The following LOC400499 variants were observed in gnomAD, a reference collection of about 807,000 sequenced individuals.
At chr16:11,456,750 T>A in the LOC400499 span, 709 of 1,330,710 alleles carry the variant, frequency 5.3e-4, 5 homozygotes, top group African/African-American at 9.1e-3. Flanking sequence ...TGAGTTAGCC[T>A]AGCCAACAAA....
the LOC400499 span, among the ~76,000 whole-genome samples, chr16:11,458,257 G>A: frequency 6.6e-6 from 1 of 152,196 alleles, no homozygotes; most frequent in Admixed American, 6.5e-5. Flanking sequence ...GAGGCAGGGA[G>A]AATTGCTTGA....
the LOC400499 span, chr16:11,446,591 T>C: frequency 3.9e-6 from 6 of 1,535,988 alleles, no homozygotes; most frequent in African/African-American, 5.5e-5. Flanking sequence ...TCTGTGTTCC[T>C]GGGGATGACT....
At chr16:11,469,584 C>T in the LOC400499 span, 1 of 399,030 alleles carries the variant, frequency 2.5e-6, no homozygotes, top group Non-Finnish European at 4.4e-6. Context: ...AGCTCATGTC[C>T]ACCCCGACGT....
chr16:11,424,492 G>C, the LOC400499 span: 1 of 397,946 alleles, frequency 2.5e-6, no homozygotes, highest in Non-Finnish European at 4.4e-6. Context: ...ATAGCTCCAG[G>C]TCCTACTGCA....
At chr16:11,438,486 C>T in the LOC400499 span, among the ~76,000 whole-genome samples, 3 of 151,698 alleles carry the variant, frequency 2.0e-5, no homozygotes, top group Non-Finnish European at 4.4e-5. Context: ...AAAATGCTAT[C>T]AGGGCTGGGC....
the LOC400499 span, among the ~76,000 whole-genome samples, chr16:11,411,824 G>A: frequency 6.6e-6 from 1 of 151,164 alleles, no homozygotes; most frequent in South Asian, 2.1e-4. Flanking sequence ...CCAGGCCAGG[G>A]TGGTTACAAT....
chr16:11,479,837 C>A, the LOC400499 span, among the ~76,000 whole-genome samples: 7 of 152,046 alleles, frequency 4.6e-5, no homozygotes, highest in Admixed American at 4.6e-4. Context: ...TCTTTCCGTC[C>A]CGAGATCCAA....
the LOC400499 span, among the ~76,000 whole-genome samples, chr16:11,389,811 T>C: frequency 1.8e-3 from 276 of 151,988 alleles, 1 homozygote; most frequent in African/African-American, 6.2e-3. Flanking sequence ...CCGGTGTAGA[T>C]GACTTCCTTG....
At chr16:11,398,107 C>G in the LOC400499 span, among the ~76,000 whole-genome samples, 2 of 152,188 alleles carry the variant, frequency 1.3e-5, no homozygotes, top group African/African-American at 4.8e-5. Context: ...TCATGTCTCT[C>G]TTAAGTCTCA....
chr16:11,456,044 T>A, the LOC400499 span, among the ~76,000 whole-genome samples: 2 of 44,062 alleles, frequency 4.5e-5, no homozygotes, highest in African/African-American at 9.0e-5. Context: ...GTGGATAAAA[T>A]TTTTTTTTTT....
the LOC400499 span, among the ~76,000 whole-genome samples, chr16:11,520,577 G>T: frequency 1.3e-5 from 2 of 148,412 alleles, no homozygotes; most frequent in East Asian, 4.1e-4. Context: ...TGACGCAGGA[G>T]AATCGCTTGA....
At chr16:11,480,155 G>A in the LOC400499 span, among the ~76,000 whole-genome samples, 1 of 152,184 alleles carries the variant, frequency 6.6e-6, no homozygotes, top group Non-Finnish European at 1.5e-5. Context: ...CAACACTGAG[G>A]CCAAGTATCT....
chr16:11,494,331 C>T, the LOC400499 span, among the ~76,000 whole-genome samples: 1 of 145,336 alleles, frequency 6.9e-6, no homozygotes, highest in African/African-American at 2.6e-5. Context: ...CTTCACCCCA[C>T]CCCCACTCAG....
chr16:11,476,353 C>T, the LOC400499 span, among the ~76,000 whole-genome samples: 3 of 151,988 alleles, frequency 2.0e-5, no homozygotes, highest in Admixed American at 1.3e-4. Context: ...AGAGGGACTC[C>T]AGGAAAGAGC....
chr16:11,433,113 T>A, the LOC400499 span, among the ~76,000 whole-genome samples: 2 of 151,554 alleles, frequency 1.3e-5, no homozygotes, highest in Non-Finnish European at 2.9e-5. Context: ...ACGACACTCT[T>A]GTACCGCAAT....
chr16:11,461,557 CAGAAG>C, the LOC400499 span, among the ~76,000 whole-genome samples: 2 of 152,134 alleles, frequency 1.3e-5, no homozygotes, highest in African/African-American at 2.4e-5. Context: ...TCGAACAGGA[CAGAAG>C]AGAAAAGAAA....
chr16:11,488,684 C>G, the LOC400499 span: 1 of 398,780 alleles, frequency 2.5e-6, no homozygotes, highest in African/African-American at 2.1e-5. Context: ...CAGAGCAGGA[C>G]AGGGGCTGCC....
the LOC400499 span, among the ~76,000 whole-genome samples, chr16:11,507,145 T>G: frequency 6.6e-6 from 1 of 152,132 alleles, no homozygotes; most frequent in African/African-American, 2.4e-5. Context: ...GGGGTCCTCT[T>G]GGGGCCAAAG....
the LOC400499 span, chr16:11,494,744 G>C: frequency 1.5e-5 from 6 of 399,126 alleles, no homozygotes; most frequent in East Asian, 2.1e-4. Flanking sequence ...GCTGGCCCTC[G>C]GGGTCTGGAG....
Sources: gnomAD v4.1 joint callset for allele counts (sites outside exome capture counted in the v4.1 genomes callset) on GRCh38, gnomAD v4.1.1 for gene constraint, MANE v1.5 for transcripts.